TMEM108: variants seen among roughly 807,000 people sequenced by gnomAD.
TMEM108 encodes transmembrane protein 108, also known as cancer/testis antigen 124.
In TMEM108, 12 loss-of-function variants were observed where a neutral mutation model predicts 35.1. The ratio of observed to expected loss-of-function variants is 0.34; its 90% CI spans 0.22 to 0.55. The LOEUF is 0.55. Ranked by LOEUF, TMEM108 falls within the 20% of genes least tolerant of loss-of-function variation. The pLI is 0.89. For synonymous variants in TMEM108, 287 were observed against 308.6 expected, an observed-to-expected ratio of 0.93 and a Z score of 0.73; for missense variants, 680 against 753.3, an observed-to-expected ratio of 0.90 and a Z score of 1.14.
chr3:133,304,672 C>T (rs1389717328), intron 3 of TMEM108, among the ~76,000 whole-genome samples: 1 of 152,068 alleles, frequency 6.6e-6, no homozygotes, highest in Non-Finnish European at 1.5e-5. Flanking sequence ...TAGCCTGTAT[C>T]AAAATTTTAT....
chr3:133,393,353 G>T (rs1567788), intron 5 of TMEM108, among the ~76,000 whole-genome samples: 13,606 of 152,240 alleles, frequency 0.089, 974 homozygotes, highest in East Asian at 0.32. Context: ...TTGTCTCTCT[G>T]TTGATTGGTT....
chr3:133,202,020 T>C (rs1255291748), intron 2 of TMEM108, among the ~76,000 whole-genome samples: 1 of 152,250 alleles, frequency 6.6e-6, no homozygotes, highest in African/African-American at 2.4e-5. Context: ...TATCTCATTG[T>C]GGTTTTGATT....
chr3:133,384,592 G>A lies in TMEM108; in HGVS notation c.1450+3431G>A, dbSNP rs141729144. 1.5e-3 allele frequency among the ~76,000 whole-genome samples: 234 copies of A among 152,164 alleles called. 2 individuals carry two copies. In the Middle Eastern group the frequency reaches 0.037, roughly 24 times the overall value. Reference sequence around the variant, plus strand: ...GAGAACTGAAATTGATTGGATTCAGGCCATAATGGGCTAGGGCAGAGGAGC... The same window carrying A: ...GAGAACTGAAATTGATTGGATTCAGACCATAATGGGCTAGGGCAGAGGAGC... On this transcript the variant is annotated intron_variant, in intron 4 of 5. Transcript: ENST00000321871.
intron 2 of TMEM108, among the ~76,000 whole-genome samples, chr3:133,169,991 A>T (rs987364872): frequency 6.6e-6 from 1 of 152,182 alleles, no homozygotes; most frequent in African/African-American, 2.4e-5. Context: ...CAATGCATTC[A>T]TTATTTCAGT....
intron 2 of TMEM108, among the ~76,000 whole-genome samples, chr3:133,051,755 T>C (rs1314184529): frequency 6.6e-6 from 1 of 152,136 alleles, no homozygotes; most frequent in East Asian, 1.9e-4. Flanking sequence ...ACCAGCATCA[T>C]TTGTTGCTTT....
chr3:133,218,864 G>C (rs1945946955), intron 2 of TMEM108, among the ~76,000 whole-genome samples: 1 of 152,026 alleles, frequency 6.6e-6, no homozygotes, highest in South Asian at 2.1e-4. Context: ...ATCCCTGTCT[G>C]GCTTGGGTAT....
chr3:133,177,649 G>C (rs186653654), intron 2 of TMEM108, among the ~76,000 whole-genome samples: 2 of 151,902 alleles, frequency 1.3e-5, no homozygotes, highest in Non-Finnish European at 2.9e-5. Context: ...ATAAGGTATT[G>C]ATGGGACGTA....
chr3:133,150,563 A>G (rs192622883), intron 2 of TMEM108, among the ~76,000 whole-genome samples: 42 of 152,182 alleles, frequency 2.8e-4, no homozygotes, highest in Admixed American at 2.6e-3. Context: ...TTTTGAAGTC[A>G]TAGTCATAAA....
chr3:133,205,319 G>A (rs187732817), intron 2 of TMEM108, among the ~76,000 whole-genome samples: 18 of 152,186 alleles, frequency 1.2e-4, no homozygotes, highest in African/African-American at 3.1e-4. Context: ...GGTTAATATT[G>A]TTATGGGTGA....
chr3:133,269,806 C>A (rs764955156), intron 3 of TMEM108, among the ~76,000 whole-genome samples: 11 of 152,174 alleles, frequency 7.2e-5, no homozygotes, highest in Non-Finnish European at 1.2e-4. Flanking sequence ...TGCTTGTCAC[C>A]TATAAACACC....
rs550660693 is a variant in TMEM108 at position 133,235,663 on chromosome 3, C to G, written c.40+6312C>G. On this transcript the variant is annotated intron_variant, in intron 3 of 5. Transcript: ENST00000321871. Reference sequence around the variant, plus strand: ...ACATAAATGCCAGCTTTCTTACTGGCCTTCCTGCCTGGAAAACATAAGGAC... The same window carrying G: ...ACATAAATGCCAGCTTTCTTACTGGGCTTCCTGCCTGGAAAACATAAGGAC... Among the ~76,000 whole-genome samples the G allele has an allele frequency of 3.9e-5, 6 of 152,236 alleles. No homozygotes were observed. The South Asian group carries it at 1.0e-3, about 26-fold the overall frequency.
At chr3:133,085,322 G>A (rs1382655072) in intron 2 of TMEM108, among the ~76,000 whole-genome samples, 2 of 152,084 alleles carry the variant, frequency 1.3e-5, no homozygotes, top group Non-Finnish European at 2.9e-5. Context: ...GATGTCTGAA[G>A]GATAATTTCT....
At chr3:133,289,659 C>T (rs1408796093) in intron 3 of TMEM108, among the ~76,000 whole-genome samples, 1 of 152,114 alleles carries the variant, frequency 6.6e-6, no homozygotes, top group African/African-American at 2.4e-5. Context: ...GTGTAGTGCC[C>T]TTTAGGTATA....
chr3:133,220,434 G>A (rs1297287954), intron 2 of TMEM108, among the ~76,000 whole-genome samples: 1 of 151,984 alleles, frequency 6.6e-6, no homozygotes, highest in Non-Finnish European at 1.5e-5. Flanking sequence ...GCACCACCAT[G>A]CCCAGCTTAT....
At chr3:133,129,258 G>A (rs969676928) in intron 2 of TMEM108, among the ~76,000 whole-genome samples, 6 of 151,676 alleles carry the variant, frequency 4.0e-5, no homozygotes, top group African/African-American at 1.5e-4. Context: ...CACAAGAATC[G>A]CTTCAATCTG....
chr3:133,344,527 A>G (rs2071757458), intron 3 of TMEM108, among the ~76,000 whole-genome samples: 1 of 151,838 alleles, frequency 6.6e-6, no homozygotes, highest in Admixed American at 6.6e-5. Context: ...AGGAAGAATG[A>G]AGATAAATTA....
At chr3:133,078,456 G>T (rs1345350778) in intron 2 of TMEM108, among the ~76,000 whole-genome samples, 1 of 152,166 alleles carries the variant, frequency 6.6e-6, no homozygotes, top group African/African-American at 2.4e-5. Context: ...TGAGTGGCTA[G>T]GGTCTTTGTA....
intron 3 of TMEM108, among the ~76,000 whole-genome samples, chr3:133,256,558 A>G (rs559919231): frequency 6.6e-6 from 1 of 152,362 alleles, no homozygotes. Context: ...TCAAAGTCTT[A>G]TAAATTCCTT....
chr3:133,203,807 C>T (rs1945708744), intron 2 of TMEM108, among the ~76,000 whole-genome samples: 1 of 152,132 alleles, frequency 6.6e-6, no homozygotes, highest in South Asian at 2.1e-4. Flanking sequence ...ATGTTGGCCT[C>T]ATAAAATGAG....
Sources: allele counts gnomAD v4.1 joint callset (sites outside exome capture counted in the v4.1 genomes callset), GRCh38; gene constraint gnomAD v4.1.1; transcripts MANE v1.5; gene names NCBI Gene and HGNC (gene_info 2026-07-23, HGNC 2026-07-21).